The following SLC9A9 variants were observed in gnomAD, a reference collection of about 807,000 sequenced individuals.
SLC9A9 encodes sodium/hydrogen exchanger 9.
Under a neutral mutation model 77.8 loss-of-function variants are expected in SLC9A9, and 62 were observed. The observed-to-expected ratio is 0.80, with a 90% CI of 0.65 to 0.98. The LOEUF (loss-of-function observed/expected upper bound fraction) is 0.98. SLC9A9 is among the 50% of genes least tolerant of loss of function. The pLI, the probability that SLC9A9 is intolerant of heterozygous loss-of-function variation, is 0.00. For missense variants in SLC9A9, 775 were observed against 774.9 expected (o/e 1.00, Z 0.00); for synonymous variants, 320 against 283.5 (o/e 1.13, Z -1.29).
intron 14 of SLC9A9, among the ~76,000 whole-genome samples, chr3:143,302,671 C>T (rs1217618591): frequency 6.6e-6 from 1 of 152,034 alleles, no homozygotes; most frequent in East Asian, 1.9e-4. Context: ...GGAGAGCTGG[C>T]AGAAAGGACA....
chr3:143,752,640 G>A (rs912490215), intron 4 of SLC9A9, among the ~76,000 whole-genome samples: 4 of 151,444 alleles, frequency 2.6e-5, no homozygotes, highest in Non-Finnish European at 4.4e-5. Context: ...GCACAGAGCC[G>A]CAACTCTTGA....
intron 4 of SLC9A9, among the ~76,000 whole-genome samples, chr3:143,791,495 A>G (rs1458631884): frequency 6.6e-6 from 1 of 152,132 alleles, no homozygotes; most frequent in Non-Finnish European, 1.5e-5. Context: ...ATGTTCTCAT[A>G]CACTTTGGAT....
At chr3:143,646,054 A>G (rs1031218202) in intron 6 of SLC9A9, among the ~76,000 whole-genome samples, 2 of 152,090 alleles carry the variant, frequency 1.3e-5, no homozygotes, top group Non-Finnish European at 2.9e-5. Flanking sequence ...AGAATTTCAG[A>G]CTTCTACCTC....
At chr3:143,653,129 T>C (rs183124816) in intron 5 of SLC9A9, among the ~76,000 whole-genome samples, 1 of 152,318 alleles carries the variant, frequency 6.6e-6, no homozygotes, top group Non-Finnish European at 1.5e-5. Context: ...CACCTGAGTC[T>C]CATTCTGTCC....
intron 11 of SLC9A9, among the ~76,000 whole-genome samples, chr3:143,473,493 C>G (rs1241703325): frequency 6.6e-6 from 1 of 152,192 alleles, no homozygotes; most frequent in African/African-American, 2.4e-5. Flanking sequence ...CCATTAATTT[C>G]TTGCTTCAGT....
chr3:143,413,699 T>C (rs2034139320), intron 12 of SLC9A9, among the ~76,000 whole-genome samples: 1 of 152,208 alleles, frequency 6.6e-6, no homozygotes, highest in Non-Finnish European at 1.5e-5. Context: ...CTTGAAGTAG[T>C]TGTTCTCACT....
At chr3:143,700,188 C>G (rs1933756423) in intron 4 of SLC9A9, among the ~76,000 whole-genome samples, 1 of 152,012 alleles carries the variant, frequency 6.6e-6, no homozygotes, top group Admixed American at 6.6e-5. Context: ...GCAACAATAC[C>G]CATGTAGCAT....
chr3:143,719,417 C>T (rs1226159055), intron 4 of SLC9A9, among the ~76,000 whole-genome samples: 1 of 152,048 alleles, frequency 6.6e-6, no homozygotes, highest in African/African-American at 2.4e-5. Context: ...TAATAAAAAT[C>T]CATGATGAAA....
At chr3:143,654,080 T>C (rs973413929) in intron 5 of SLC9A9, among the ~76,000 whole-genome samples, 2 of 152,228 alleles carry the variant, frequency 1.3e-5, no homozygotes, top group Non-Finnish European at 1.5e-5. Context: ...AACATGTGAC[T>C]ATATTTAGTA....
intron 9 of SLC9A9, among the ~76,000 whole-genome samples, chr3:143,535,615 A>G (rs1356036032): frequency 1.3e-5 from 2 of 152,164 alleles, no homozygotes; most frequent in African/African-American, 4.8e-5. Context: ...TTTCGACTTA[A>G]GATACAAAGG....
At chr3:143,695,073 T>A (rs796493973) in intron 4 of SLC9A9, among the ~76,000 whole-genome samples, 28 of 152,242 alleles carry the variant, frequency 1.8e-4, no homozygotes, top group African/African-American at 6.7e-4. Context: ...TGGCAGCTCA[T>A]CCACACTTAT....
intron 4 of SLC9A9, among the ~76,000 whole-genome samples, chr3:143,694,781 G>A (rs12053888): frequency 0.43 from 64,967 of 151,938 alleles, 14,090 homozygotes; most frequent in South Asian, 0.6. Context: ...ATCTCATGTA[G>A]TACACCCTCA....
At chr3:143,522,744 T>C (rs1280996394) in intron 9 of SLC9A9, among the ~76,000 whole-genome samples, 1 of 152,176 alleles carries the variant, frequency 6.6e-6, no homozygotes, top group African/African-American at 2.4e-5. Flanking sequence ...TCAGCCCTTG[T>C]ATCTACCTAT....
chr3:143,524,335 T>C (rs1359248937), intron 9 of SLC9A9, among the ~76,000 whole-genome samples: 1 of 152,110 alleles, frequency 6.6e-6, no homozygotes, highest in Non-Finnish European at 1.5e-5. Flanking sequence ...TCAAGATTAA[T>C]AGACTTCTTA....
intron 6 of SLC9A9, among the ~76,000 whole-genome samples, chr3:143,643,626 A>G (rs574081335): frequency 6.6e-6 from 1 of 152,280 alleles, no homozygotes; most frequent in African/African-American, 2.4e-5. Context: ...CTCTCCTTCA[A>G]AATCAACTCT....
chr3:143,537,887 C>T (rs985375977), intron 9 of SLC9A9, among the ~76,000 whole-genome samples: 8 of 152,206 alleles, frequency 5.3e-5, no homozygotes, highest in African/African-American at 1.9e-4. Flanking sequence ...AAACTCCTTT[C>T]CATTTATAGG....
At chr3:143,832,367 G>A (rs1313670448) in intron 1 of SLC9A9, 146 bp from the exon 2 acceptor site, 1 of 682,074 alleles carries the variant, frequency 1.5e-6, no homozygotes, top group Non-Finnish European at 2.5e-6. Context: ...ACTTTTGCAT[G>A]GATACCAGTT....
chr3:143,363,587 G>A (rs1330280809), intron 13 of SLC9A9, 24 bp from the exon 14 acceptor site: 6 of 1,595,512 alleles, frequency 3.8e-6, no homozygotes, highest in Non-Finnish European at 5.2e-6. Flanking sequence ...ATAGAAAAAG[G>A]CATTGGGTAA....
At chr3:143,404,947 C>T (rs975044996) in intron 12 of SLC9A9, among the ~76,000 whole-genome samples, 1 of 152,186 alleles carries the variant, frequency 6.6e-6, no homozygotes, top group African/African-American at 2.4e-5. Flanking sequence ...ATAAGTTATG[C>T]TTAAGCCTCT....
Sources: allele counts gnomAD v4.1 joint callset (sites outside exome capture counted in the v4.1 genomes callset), GRCh38; gene constraint gnomAD v4.1.1; transcripts MANE v1.5; gene names NCBI Gene and HGNC (gene_info 2026-07-23, HGNC 2026-07-21).